XDH: variants seen among roughly 807,000 people sequenced by gnomAD.
XDH encodes xanthine dehydrogenase.
Under a neutral mutation model 156.1 loss-of-function variants are expected in XDH, and 138 were observed. The observed-to-expected ratio is 0.88, with a 90% CI of 0.77 to 1.02. XDH has a LOEUF of 1.02. XDH is among the 50% of genes least tolerant of loss of function. The probability of loss-of-function intolerance (pLI) is 0.00; values close to 1 mark genes in which losing one functional copy is unlikely to be tolerated. For missense variants in XDH, 1,849 were observed against 1,684.9 expected, an observed-to-expected ratio of 1.10 and a Z score of -1.71; for synonymous variants, 669 against 625.7, an observed-to-expected ratio of 1.07 and a Z score of -1.03.
intron 30 of XDH, among the ~76,000 whole-genome samples, chr2:31,345,612 T>G (rs1025296731): frequency 6.6e-6 from 1 of 152,180 alleles, no homozygotes; most frequent in African/African-American, 2.4e-5. Flanking sequence ...ATTTTACAGA[T>G]GAGGAAACTA....
At chr2:31,392,262 T>C (rs896191030) in intron 6 of XDH, among the ~76,000 whole-genome samples, 2 of 152,008 alleles carry the variant, frequency 1.3e-5, no homozygotes, top group African/African-American at 4.8e-5. Context: ...TTCAGTTATG[T>C]TGATTTTCTC....
At chr2:31,365,919 A>G (rs1410071150) in intron 22 of XDH, 57 bp downstream of exon 22, 2 of 1,613,300 alleles carry the variant, frequency 1.2e-6, no homozygotes, top group Non-Finnish European at 8.5e-7. Flanking sequence ...TTCCTGGCAC[A>G]GACAGCCTTA....
chr2:31,408,085 C>T (rs1473794997), intron 1 of XDH, among the ~76,000 whole-genome samples: 1 of 152,176 alleles, frequency 6.6e-6, no homozygotes, highest in Non-Finnish European at 1.5e-5. Flanking sequence ...AGGTAACATC[C>T]AAGTTCCTTA....
chr2:31,358,515 C>T (rs1685684735), intron 24 of XDH, among the ~76,000 whole-genome samples: 1 of 152,052 alleles, frequency 6.6e-6, no homozygotes, highest in Non-Finnish European at 1.5e-5. Flanking sequence ...AAATCCTTAA[C>T]AAATTTTAGC....
At chr2:31,375,185 G>C (rs568826457) in intron 15 of XDH, among the ~76,000 whole-genome samples, 195 bp downstream of exon 15, 25 of 151,660 alleles carry the variant, frequency 1.6e-4, no homozygotes, top group Non-Finnish European at 3.2e-4. Flanking sequence ...AACCTCTGTC[G>C]CCAAAGCCCA....
chr2:31,335,569 C>T lies in XDH; in HGVS notation c.*389G>A, dbSNP rs921476114. 2 of 310,650 alleles carry T rather than the reference C, an allele frequency of 6.4e-6. No homozygotes were observed. Among genetic ancestry groups the T allele is most frequent in the Admixed American group, 4.5e-5 (1 of 22,048 alleles). 19.2% of individuals were successfully genotyped at this position (310,650 alleles called of 1,614,324 possible). On this transcript the variant is annotated 3_prime_UTR_variant, in exon 36 of 36. Transcript: ENST00000379416. ...GAAGGCACACGATTTAAAGTAACTT[C>T]GGTTTAAGCTTCTAGAGGTTTGTGG...
rs1558693242 is a variant in XDH at position 31,373,936 on chromosome 2, G to A, written c.1623C>T (p.Pro541=). ...ACAGTAAAGTTGCACTGGCGAAAGT[G>A]GGGTCCAGTTTACCACACTTCTGTG... ...NLEDKCGKLD[P]TFASATLLFQ... Residue 541 remains proline (P), a synonymous_variant, in exon 16 of 36, where the codon CCC becomes CCT. Coordinates refer to ENST00000379416, the MANE Select transcript of XDH (RefSeq NM_000379.4). 6.2e-7 allele frequency: 1 copy of A among 1,613,798 alleles called. No individual in the cohort carries two copies. The highest frequency in any genetic ancestry group is 8.5e-7 in the Non-Finnish European group (1 of 1,179,862).
chr2:31,342,345 C>A (rs767349733), intron 31 of XDH, 48 bp from the exon 32 acceptor site: 220 of 1,505,492 alleles, frequency 1.5e-4, no homozygotes, highest in Non-Finnish European at 1.9e-4. Context: ...CATGAACACA[C>A]CCCCTTCCCT....
chr2:31,367,302 T>A (rs1308541088), intron 20 of XDH, among the ~76,000 whole-genome samples: 1 of 152,168 alleles, frequency 6.6e-6, no homozygotes, highest in Non-Finnish European at 1.5e-5. Context: ...CATTGTAAAA[T>A]TTTGGAAAAA....
At chr2:31,374,877 ACT>A (rs540219396) in intron 15 of XDH, among the ~76,000 whole-genome samples, 55 of 151,742 alleles carry the variant, frequency 3.6e-4, no homozygotes, top group African/African-American at 1.3e-3. Context: ...CTCAGCCTGC[ACT>A]CTCTCTTGAA....
In XDH at chr2:31,366,898, A is replaced by C; in HGVS notation, c.2294T>G (p.Val765Gly). 1 of 1,614,192 alleles carries C rather than the reference A, an allele frequency of 6.2e-7. No individual in the cohort carries two copies. The highest frequency in any genetic ancestry group is 8.5e-7 in the Non-Finnish European group (1 of 1,180,026). Residue 765 changes from valine (V) to glycine (G), a missense_variant, in exon 21 of 36, where the codon GTG becomes GGG. By Grantham distance (109) the Val-to-Gly change is moderately radical. Transcript: ENST00000379416. ...KGEAGEMELF[V>G]STQNTMKTQS... ...GGTCTTCATGGTGTTCTGTGTAGAC[A>C]CAAAGAGCTCCATCTCCCCTGCCTC...
At chr2:31,342,941 A>G (rs545564000) in intron 31 of XDH, among the ~76,000 whole-genome samples, 1 of 152,284 alleles carries the variant, frequency 6.6e-6, no homozygotes, top group African/African-American at 2.4e-5. Flanking sequence ...ATATAAATAT[A>G]TGTGTATATC....
intron 26 of XDH, 54 bp downstream of exon 26, chr2:31,349,632 G>C: frequency 6.2e-7 from 1 of 1,612,594 alleles, no homozygotes; most frequent in East Asian, 2.2e-5. Flanking sequence ...CAGCAGAAAG[G>C]CTGTAGGATA....
intron 34 of XDH, among the ~76,000 whole-genome samples, chr2:31,338,038 A>G (rs1477283001): frequency 6.6e-6 from 1 of 152,232 alleles, no homozygotes; most frequent in Non-Finnish European, 1.5e-5. Context: ...CCGCATGGAC[A>G]TATTTCTTTG....
intron 4 of XDH, among the ~76,000 whole-genome samples, chr2:31,400,966 C>T (rs113258867): frequency 2.0e-5 from 3 of 152,216 alleles, no homozygotes; most frequent in African/African-American, 7.2e-5. Flanking sequence ...ATTCAGTTGG[C>T]CTCTTGGGTC....
chr2:31,413,631 A>G (rs953326252), intron 1 of XDH, among the ~76,000 whole-genome samples: 2 of 152,232 alleles, frequency 1.3e-5, no homozygotes, highest in Non-Finnish European at 2.9e-5. Flanking sequence ...TCAAAATTAC[A>G]TCAAAAGTTT....
intron 27 of XDH, 43 bp downstream of exon 27, chr2:31,348,856 T>G (rs1285773295): frequency 2.6e-6 from 4 of 1,550,030 alleles, no homozygotes; most frequent in Non-Finnish European, 3.6e-6. Flanking sequence ...GGAAATGGGG[T>G]CCCAGTCCAG....
At chr2:31,403,013 C>G in intron 3 of XDH, 35 bp downstream of exon 3, 1 of 1,611,834 alleles carries the variant, frequency 6.2e-7, no homozygotes, top group Non-Finnish European at 8.5e-7. Flanking sequence ...CATCGCAGCC[C>G]CCATGTGGGT....
Position 31,383,136 on chromosome 2 carries a change from A to G in XDH, c.903T>C (p.Ala301=). The G allele has an allele frequency of 6.2e-7, 1 of 1,614,228 alleles. No individual in the cohort carries two copies. Among genetic ancestry groups the G allele is most frequent in the Non-Finnish European group, 8.5e-7 (1 of 1,180,030 alleles). The change falls in exon 11 of 36, where the codon GCT becomes GCC. Residue 301 remains alanine, a synonymous_variant. Coordinates refer to ENST00000379416, the MANE Select transcript of XDH (RefSeq NM_000379.4). ...TTTCCACAATGCTCAGGGGGCAAGC[A>G]GCTCCAAAGGAGATACCTGGGAACG... ...EHGPDGISFG[A]ACPLSIVEKT...
Sources: gnomAD v4.1 joint callset for allele counts (sites outside exome capture counted in the v4.1 genomes callset) on GRCh38, gnomAD v4.1.1 for gene constraint, MANE v1.5 for transcripts, NCBI Gene and HGNC (gene_info 2026-07-23, HGNC 2026-07-21) for gene names.